The following ATXN7L1 variants were observed in gnomAD, a reference collection of about 807,000 sequenced individuals.
ATXN7L1 encodes ataxin 7 like 1.
A neutral mutation model predicts 70.8 loss-of-function variants in ATXN7L1; 15 were observed. The ratio of observed to expected loss-of-function variants is 0.21; its 90% confidence interval spans 0.14 to 0.33. The LOEUF is 0.33. Ranked by LOEUF, ATXN7L1 falls within the 10% of genes least tolerant of loss-of-function variation. The pLI is 1.00. For synonymous variants in ATXN7L1, 440 were observed against 445.1 expected (o/e 0.99, Z 0.14); for missense variants, 975 against 1,097.1 (o/e 0.89, Z 1.57).
intron 3 of ATXN7L1, among the ~76,000 whole-genome samples, chr7:105,688,478 G>A (rs1790269311): frequency 6.6e-6 from 1 of 152,142 alleles, no homozygotes; most frequent in Non-Finnish European, 1.5e-5. Flanking sequence ...AGGAGGTAGA[G>A]GCTGCAGTGA....
At chr7:105,874,002 G>A (rs28716704) in intron 2 of ATXN7L1, among the ~76,000 whole-genome samples, 35,364 of 151,640 alleles carry the variant, frequency 0.23, 4,580 homozygotes, top group East Asian at 0.44. Flanking sequence ...GCACGTGCCT[G>A]TAGTTCCAGC....
chr7:105,686,838 T>C (rs750932632), intron 3 of ATXN7L1, among the ~76,000 whole-genome samples: 8 of 152,196 alleles, frequency 5.3e-5, no homozygotes, highest in Non-Finnish European at 1.2e-4. Context: ...TGTATCTATA[T>C]GTAATTGTTG....
chr7:105,749,251 T>C (rs1039077290), intron 3 of ATXN7L1, among the ~76,000 whole-genome samples: 2 of 151,860 alleles, frequency 1.3e-5, no homozygotes, highest in Non-Finnish European at 2.9e-5. Context: ...GCCCTCAAAA[T>C]AGAGTTTAGG....
Position 105,642,971 on chromosome 7 carries a change from A to G in ATXN7L1, c.729T>C (p.Pro243=). 1 of 1,551,818 alleles carries G rather than the reference A, an allele frequency of 6.4e-7. No individual in the cohort carries two copies. The highest frequency in any genetic ancestry group is 8.7e-7 in the Non-Finnish European group (1 of 1,147,020). Residue 243 remains proline, a synonymous_variant, in exon 5 of 12, where the codon CCT becomes CCC. Transcript: ENST00000419735. The part of the protein sequence containing the change: ...SAVSTPPLIK[P]VLMSKSVPPS... Reference sequence around the variant, plus strand: ...GTGGCACTGACTTGGACATCAGGACAGGCTTAATTAAAGGAGGGGTGGAGA... The same window carrying G: ...GTGGCACTGACTTGGACATCAGGACGGGCTTAATTAAAGGAGGGGTGGAGA...
chr7:105,635,493 A>G (rs1246051009), intron 7 of ATXN7L1, among the ~76,000 whole-genome samples: 1 of 152,122 alleles, frequency 6.6e-6, no homozygotes, highest in African/African-American at 2.4e-5. Flanking sequence ...TGTGCTTGGT[A>G]CTTTCTCACT....
chr7:105,628,064 T>C (rs1796002963), intron 7 of ATXN7L1, among the ~76,000 whole-genome samples: 1 of 151,500 alleles, frequency 6.6e-6, no homozygotes, highest in Admixed American at 6.6e-5. Context: ...AGGCTGGTCT[T>C]GAACTCTTGA....
At chr7:105,836,203 C>T (rs1812348047) in intron 2 of ATXN7L1, among the ~76,000 whole-genome samples, 1 of 152,156 alleles carries the variant, frequency 6.6e-6, no homozygotes, top group African/African-American at 2.4e-5. Flanking sequence ...CCCACAGGAA[C>T]CCCAAACTCT....
intron 2 of ATXN7L1, among the ~76,000 whole-genome samples, chr7:105,841,597 C>A (rs189443052): frequency 5.9e-5 from 9 of 152,208 alleles, no homozygotes; most frequent in Admixed American, 1.3e-4. Flanking sequence ...CACTTAGTAG[C>A]GTCTCAGTCA....
At chr7:105,608,719 G>A (rs942511863) in intron 11 of ATXN7L1, among the ~76,000 whole-genome samples, 1 of 152,186 alleles carries the variant, frequency 6.6e-6, no homozygotes, top group East Asian at 1.9e-4. Context: ...ATGGTGAGGA[G>A]ACTCTCCCTG....
intron 3 of ATXN7L1, among the ~76,000 whole-genome samples, chr7:105,716,089 T>A (rs1256468252): frequency 2.6e-5 from 4 of 152,220 alleles, no homozygotes; most frequent in Non-Finnish European, 5.9e-5. Context: ...ATTACTTAAG[T>A]CATCTGAGGC....
intron 3 of ATXN7L1, among the ~76,000 whole-genome samples, chr7:105,686,903 C>T (rs965999973): frequency 1.3e-5 from 2 of 152,146 alleles, no homozygotes; most frequent in African/African-American, 2.4e-5. Flanking sequence ...AGGGAGTTGG[C>T]CCAGAAAGGA....
chr7:105,802,819 C>T (rs1163796183), intron 2 of ATXN7L1, among the ~76,000 whole-genome samples: 1 of 152,200 alleles, frequency 6.6e-6, no homozygotes, highest in Non-Finnish European at 1.5e-5. Context: ...GCTTTCCCCT[C>T]CCTGGGCTGC....
intron 6 of ATXN7L1, 106 bp downstream of exon 6, chr7:105,639,381 G>A: frequency 4.9e-6 from 4 of 811,218 alleles, no homozygotes; most frequent in South Asian, 4.9e-5. Context: ...ACAGCTGGGG[G>A]TCATGTCGAG....
At chr7:105,766,504 C>T (rs928336892) in intron 3 of ATXN7L1, among the ~76,000 whole-genome samples, 7 of 152,054 alleles carry the variant, frequency 4.6e-5, no homozygotes, top group Middle Eastern at 3.2e-3. Context: ...TGATTCATTT[C>T]GGAATTTTGA....
chr7:105,614,365 A>G lies in ATXN7L1; in HGVS notation c.1969T>C (p.Ser657Pro), dbSNP rs146918407. The stretch of plus-strand genomic sequence containing the variant: ...GATGTCTGCAAGGAAGAGGAGGAGG[A>G]GGAGGAGGAGGAGGAAGTCGAAGAC... ...PQSSTSSSSS[S>P]SSSSLQTSLS... Residue 657 changes from serine (S) to proline (P), a missense_variant, in exon 10 of 12, where the codon TCC becomes CCC. Physicochemically the swap from Ser to Pro is moderately conservative, Grantham distance 74. This residue lies in a region of ATXN7L1 where 635 missense variants were observed against 699.4 expected (regional missense o/e 0.91). Transcript: ENST00000419735. The surrounding 1 kb of genome is among the most constrained non-coding windows in gnomAD (Gnocchi z 4.3). 39 of 1,552,122 alleles carry G rather than the reference A, an allele frequency of 2.5e-5. No homozygotes were observed. Among genetic ancestry groups the G allele is most frequent in the Non-Finnish European group, 3.3e-5 (38 of 1,146,924 alleles).
intron 6 of ATXN7L1, 22 bp downstream of exon 6, chr7:105,639,465 T>C: frequency 6.5e-7 from 1 of 1,538,250 alleles, no homozygotes; most frequent in Non-Finnish European, 8.8e-7. Context: ...GCAGGAAGTA[T>C]TTTTTATGGA....
intron 2 of ATXN7L1, among the ~76,000 whole-genome samples, chr7:105,857,429 T>C (rs914865126): frequency 6.6e-6 from 1 of 152,216 alleles, no homozygotes; most frequent in Non-Finnish European, 1.5e-5. Context: ...GGGCCACTGT[T>C]CCACCTTCAC....
At chr7:105,861,968 A>C (rs1585178268) in intron 2 of ATXN7L1, among the ~76,000 whole-genome samples, 1 of 152,094 alleles carries the variant, frequency 6.6e-6, no homozygotes, top group East Asian at 1.9e-4. Context: ...AAGTGGCAGG[A>C]CTCATCTGAG....
At chr7:105,753,970 C>T (rs1799487997) in intron 3 of ATXN7L1, among the ~76,000 whole-genome samples, 1 of 145,366 alleles carries the variant, frequency 6.9e-6, no homozygotes. Flanking sequence ...TACAGCTCTG[C>T]CCCCCCAAAA....
Sources: allele counts gnomAD v4.1 joint callset (sites outside exome capture counted in the v4.1 genomes callset), GRCh38; gene constraint gnomAD v4.1.1; regional missense constraint gnomAD v4.1.1; non-coding constraint Gnocchi (gnomAD v3.1); transcripts MANE v1.5; gene names NCBI Gene and HGNC (gene_info 2026-07-23, HGNC 2026-07-21).